Variants in GAD1 observed in about 807,000 individuals in gnomAD.
The protein encoded by GAD1 is 67 kDa glutamic acid decarboxylase.
GAD1 carries 35 observed loss-of-function variants against 75.2 expected under a neutral mutation model. The ratio of observed to expected loss-of-function variants is 0.47; its 90% CI spans 0.36 to 0.62. The LOEUF (loss-of-function observed/expected upper bound fraction) is 0.62. Ranked by LOEUF, GAD1 falls within the 20% of genes least tolerant of loss-of-function variation. GAD1 has a pLI of 0.00. For missense variants in GAD1, 490 were observed against 758.5 expected (o/e 0.65, Z 4.16); for synonymous variants, 257 against 271.9 (o/e 0.95, Z 0.54).
intron 2 of GAD1, among the ~76,000 whole-genome samples, chr2:170,819,317 G>A (rs1268633031): frequency 1.5e-5 from 2 of 133,916 alleles, no homozygotes; most frequent in Admixed American, 7.3e-5. Flanking sequence ...TAAATAAATA[G>A]GGGAGCGGGC....
chr2:170,842,556 C>G (rs752582332), intron 6 of GAD1: 2 of 1,613,256 alleles, frequency 1.2e-6, no homozygotes, highest in Non-Finnish European at 1.7e-6. Flanking sequence ...TTCTCTTCTT[C>G]TTCCTTTATC....
chr2:170,830,402 G>A (rs1028697617), intron 4 of GAD1, among the ~76,000 whole-genome samples: 1 of 152,204 alleles, frequency 6.6e-6, no homozygotes, highest in African/African-American at 2.4e-5. Context: ...GGCCCAAAAG[G>A]GTGGGGTCAA....
chr2:170,830,922 A>G (rs1237336766), intron 4 of GAD1, 28 bp from the exon 5 acceptor site: 1 of 1,614,144 alleles, frequency 6.2e-7, no homozygotes, highest in African/African-American at 1.3e-5. Flanking sequence ...AGTCAGGTGA[A>G]AACCATTCAT....
At chr2:170,834,797 A>G (rs1460980895) in intron 5 of GAD1, among the ~76,000 whole-genome samples, 1 of 148,930 alleles carries the variant, frequency 6.7e-6, no homozygotes, top group Non-Finnish European at 1.5e-5. Flanking sequence ...TGGAGTTTCA[A>G]TCTTGTTGCC....
At chr2:170,835,490 C>T (rs78225572) in intron 5 of GAD1, among the ~76,000 whole-genome samples, 1,676 of 152,226 alleles carry the variant, frequency 0.011, 19 homozygotes, top group Non-Finnish European at 0.016. Flanking sequence ...AATAGAAATT[C>T]TGATAGATAT....
intron 13 of GAD1, 134 bp downstream of exon 13, chr2:170,852,926 G>A: frequency 1.3e-6 from 1 of 769,560 alleles, no homozygotes; most frequent in Non-Finnish European, 2.3e-6. Flanking sequence ...GACTACTGCT[G>A]CTGTCCTTTC....
At chr2:170,823,703 C>T (rs1159372380) in intron 3 of GAD1, among the ~76,000 whole-genome samples, 2 of 150,418 alleles carry the variant, frequency 1.3e-5, no homozygotes, top group African/African-American at 4.9e-5. Flanking sequence ...GCCCGTTTCG[C>T]GCCAGGTCCC....
intron 11 of GAD1, 111 bp from the exon 12 acceptor site, chr2:170,849,174 GT>G: frequency 2.2e-6 from 2 of 920,712 alleles, no homozygotes; most frequent in South Asian, 1.4e-5. Context: ...AGAAACTTAT[GT>G]TTTTCACCTT....
chr2:170,849,053 G>A, intron 11 of GAD1: 1 of 595,972 alleles, frequency 1.7e-6, no homozygotes, highest in Non-Finnish European at 3.1e-6. Flanking sequence ...CTCAGACCTG[G>A]CCTAGCTGTA....
chr2:170,850,112 T>C (rs553016441), intron 12 of GAD1, among the ~76,000 whole-genome samples: 2 of 152,346 alleles, frequency 1.3e-5, no homozygotes, highest in African/African-American at 2.4e-5. Context: ...GTGTCTTCCA[T>C]CCAGCCACCT....
At chr2:170,851,115 T>G (rs1702736811) in intron 12 of GAD1, among the ~76,000 whole-genome samples, 1 of 152,240 alleles carries the variant, frequency 6.6e-6, no homozygotes, top group African/African-American at 2.4e-5. Flanking sequence ...TAGGAAAACT[T>G]AAAACATTTC....
At chr2:170,829,928 T>C (rs1702176298) in intron 4 of GAD1, 1 of 392,178 alleles carries the variant, frequency 2.5e-6, no homozygotes, top group Non-Finnish European at 4.7e-6. Flanking sequence ...ACCTTGCATA[T>C]AAGAAAATCT....
intron 15 of GAD1, 110 bp from the exon 16 acceptor site, chr2:170,858,694 A>G (rs1201375784): frequency 2.2e-6 from 2 of 899,862 alleles, no homozygotes; most frequent in East Asian, 2.6e-5. Context: ...TGAACATTCA[A>G]CCTCTTTCTT....
In GAD1 at chr2:170,844,176, C is replaced by T; in HGVS notation, c.751+19C>T. 1 of 1,307,350 alleles carries T rather than the reference C, an allele frequency of 7.6e-7. No individual in the cohort carries two copies. Among genetic ancestry groups the T allele is most frequent in the Non-Finnish European group, 1.1e-6 (1 of 900,548 alleles). 81.0% of individuals were successfully genotyped at this position (1,307,350 alleles called of 1,614,324 possible). ...TCTCCTGGTAGGTTTCTCTTCTCTT[C>T]CTCTTCTCAAGGTTTGGGATTCTTA... On this transcript the variant is annotated intron_variant, in intron 7 of 16. Transcript: ENST00000358196.
chr2:170,829,372 G>A, intron 3 of GAD1, 103 bp from the exon 4 acceptor site: 2 of 1,320,528 alleles, frequency 1.5e-6, no homozygotes, highest in South Asian at 2.4e-5. Flanking sequence ...TCTTTTCTCA[G>A]GAGAAACAAG....
chr2:170,823,147 C>T (rs182763934), intron 3 of GAD1, among the ~76,000 whole-genome samples: 1 of 152,170 alleles, frequency 6.6e-6, no homozygotes, highest in African/African-American at 2.4e-5. Flanking sequence ...GTTGGAGAGG[C>T]GGGGGAAGAT....
intron 10 of GAD1, among the ~76,000 whole-genome samples, chr2:170,847,264 C>T (rs1702652554): frequency 6.6e-6 from 1 of 152,190 alleles, no homozygotes; most frequent in Admixed American, 6.5e-5. Context: ...ACTATCTGAC[C>T]ATCATTCCAA....
At chr2:170,858,193 A>G (rs1479953382) in intron 15 of GAD1, among the ~76,000 whole-genome samples, 1 of 152,234 alleles carries the variant, frequency 6.6e-6, no homozygotes, top group African/African-American at 2.4e-5. Context: ...GCAAACAGCA[A>G]CCAGCGAGAA....
At chr2:170,826,764 T>A (rs1702035378) in intron 3 of GAD1, among the ~76,000 whole-genome samples, 1 of 152,046 alleles carries the variant, frequency 6.6e-6, no homozygotes, top group South Asian at 2.1e-4. Flanking sequence ...GAGTGGAGGT[T>A]CAGCTGGGCA....
Sources: gnomAD v4.1 joint callset for allele counts (sites outside exome capture counted in the v4.1 genomes callset) on GRCh38, gnomAD v4.1.1 for gene constraint, MANE v1.5 for transcripts, NCBI Gene and HGNC (gene_info 2026-07-23, HGNC 2026-07-21) for gene names.